Variants in NCKAP5 observed in about 807,000 individuals in gnomAD.
NCKAP5 encodes NCK associated protein 5.
In NCKAP5, 92 loss-of-function variants were observed where a neutral mutation model predicts 167.0. That is an observed-to-expected ratio of 0.55 (90% confidence interval 0.47 to 0.66). The LOEUF is 0.66. NCKAP5 is among the 30% of genes least tolerant of loss of function. The pLI is 0.00. For missense variants in NCKAP5, 2,378 were observed against 2,315.0 expected (o/e 1.03, Z -0.56); for synonymous variants, 891 against 877.4 (o/e 1.02, Z -0.27).
chr2:133,559,304 A>G (rs1200216588), intron 1 of NCKAP5, among the ~76,000 whole-genome samples, 187 bp from the exon 2 acceptor site: 3 of 152,200 alleles, frequency 2.0e-5, no homozygotes, highest in Non-Finnish European at 4.4e-5. Flanking sequence ...GGTCAGACAC[A>G]TCATACACAT....
chr2:132,785,990 G>T (rs984936933), intron 13 of NCKAP5, among the ~76,000 whole-genome samples: 2 of 152,194 alleles, frequency 1.3e-5, no homozygotes, highest in Admixed American at 6.5e-5. Flanking sequence ...GAGGAGAATT[G>T]GCCACAACTA....
intron 6 of NCKAP5, among the ~76,000 whole-genome samples, chr2:133,095,242 T>A (rs80156107): frequency 2.9e-3 from 447 of 152,352 alleles, no homozygotes; most frequent in African/African-American, 0.01. Context: ...GTCTTAGGAA[T>A]CTATGTGAAT....
chr2:133,431,844 T>G (rs1690180699), intron 3 of NCKAP5: 1 of 152,152 alleles, frequency 6.6e-6, no homozygotes, highest in African/African-American at 2.4e-5. Flanking sequence ...ACAATAAGTT[T>G]TACTTGGATT....
At chr2:133,513,664 T>C (rs76064111) in intron 3 of NCKAP5, among the ~76,000 whole-genome samples, 12,860 of 152,240 alleles carry the variant, frequency 0.084, 704 homozygotes, top group East Asian at 0.28. Flanking sequence ...CAGGGATGTG[T>C]GCACGTCCTT....
chr2:133,398,782 C>A (rs1687914751), intron 3 of NCKAP5, among the ~76,000 whole-genome samples: 1 of 152,030 alleles, frequency 6.6e-6, no homozygotes. Flanking sequence ...AAAGCAGAAC[C>A]AAGTGGGAAG....
intron 6 of NCKAP5, among the ~76,000 whole-genome samples, chr2:133,026,669 C>T (rs1040477460): frequency 3.9e-5 from 6 of 152,266 alleles, no homozygotes; most frequent in East Asian, 3.9e-4. Context: ...GGATCAGAGA[C>T]TGAACTGTTT....
chr2:133,196,745 A>C (rs1422143646), intron 5 of NCKAP5, among the ~76,000 whole-genome samples: 2 of 152,186 alleles, frequency 1.3e-5, no homozygotes, highest in Non-Finnish European at 2.9e-5. Context: ...AAGCTCCAGA[A>C]GCAGCATTCT....
At chr2:133,012,270 CAG>C (rs1252408029) in intron 6 of NCKAP5, among the ~76,000 whole-genome samples, 1 of 152,118 alleles carries the variant, frequency 6.6e-6, no homozygotes, top group Admixed American at 6.5e-5. Context: ...TTTGTTGAGA[CAG>C]AGTCTTGCTC....
rs372034571 is a variant in NCKAP5 at position 133,545,677 on chromosome 2, T to C, written c.-62+13373A>G. On this transcript the variant is annotated intron_variant, in intron 2 of 19. Transcript: ENST00000409261. ...CATTGGCACTCACTAACTATGTATC[T>C]ACCTGGCCTAAGAAACAAAATTGAA... Among the ~76,000 whole-genome samples, 3 of 152,264 alleles carry C rather than the reference T, an allele frequency of 2.0e-5. No homozygotes were observed. In the East Asian group the frequency reaches 5.8e-4, roughly 30 times the overall value.
At chr2:133,612,499 G>A in the NCKAP5 span, among the ~76,000 whole-genome samples, 2 of 152,052 alleles carry the variant, frequency 1.3e-5, no homozygotes, top group Non-Finnish European at 2.9e-5. Context: ...CAATCCGTTT[G>A]GTCTCCCAAA....
chr2:133,564,523 A>C, intron 1 of NCKAP5, among the ~76,000 whole-genome samples: 1 of 152,212 alleles, frequency 6.6e-6, no homozygotes, highest in South Asian at 2.1e-4. Context: ...TAGTGGCAGC[A>C]GCGGAAGGTA....
intron 19 of NCKAP5, among the ~76,000 whole-genome samples, chr2:132,691,261 C>G (rs990627497): frequency 6.6e-6 from 1 of 152,154 alleles, no homozygotes; most frequent in African/African-American, 2.4e-5. Context: ...GTTCTTCATA[C>G]AAAAGCCAAG....
At chr2:133,190,306 T>A (rs1229603379) in intron 5 of NCKAP5, among the ~76,000 whole-genome samples, 1 of 152,224 alleles carries the variant, frequency 6.6e-6, no homozygotes. Context: ...CATTCCATGT[T>A]CATGGATAGG....
chr2:132,787,115 C>T (rs1485928025), intron 13 of NCKAP5, among the ~76,000 whole-genome samples: 2 of 151,974 alleles, frequency 1.3e-5, no homozygotes, highest in Non-Finnish European at 2.9e-5. Context: ...TTTGGGAGAC[C>T]AAGGCAGGTG....
chr2:133,080,638 G>A lies in NCKAP5; in HGVS notation c.341+49340C>T, dbSNP rs559106313. Among the ~76,000 whole-genome samples, 8 of 152,202 alleles carry A rather than the reference G, an allele frequency of 5.3e-5. No individual in the cohort carries two copies. The South Asian group carries it at 1.7e-3, about 32-fold the overall frequency. ...AACATTTGTCAACTTCTTTAAAAGA[G>A]CACTTCTTAAAAAATGAAACTAACA... On this transcript the variant is annotated intron_variant, in intron 6 of 19. Coordinates refer to ENST00000409261, the MANE Select transcript of NCKAP5 (RefSeq NM_207363.3).
At chr2:133,025,607 C>G (rs1206666487) in intron 6 of NCKAP5, among the ~76,000 whole-genome samples, 1 of 152,124 alleles carries the variant, frequency 6.6e-6, no homozygotes, top group Non-Finnish European at 1.5e-5. Flanking sequence ...CAACACTCCA[C>G]TAAATGTTAG....
chr2:133,098,334 T>C (rs1335290255), intron 6 of NCKAP5, among the ~76,000 whole-genome samples: 1 of 152,230 alleles, frequency 6.6e-6, no homozygotes, highest in African/African-American at 2.4e-5. Flanking sequence ...GACAGTTAAT[T>C]GTTGCTAAAT....
intron 6 of NCKAP5, among the ~76,000 whole-genome samples, chr2:133,009,622 T>C (rs1471903129): frequency 6.6e-6 from 1 of 152,212 alleles, no homozygotes; most frequent in Non-Finnish European, 1.5e-5. Flanking sequence ...ATCTGTTGAA[T>C]GCCTATGATA....
chr2:133,662,511 A>G, the NCKAP5 span, among the ~76,000 whole-genome samples: 2 of 151,166 alleles, frequency 1.3e-5, no homozygotes, highest in African/African-American at 4.9e-5. Flanking sequence ...ACATATATAC[A>G]TTTAACTTGA....
Sources: gnomAD v4.1 joint callset for allele counts (sites outside exome capture counted in the v4.1 genomes callset) on GRCh38, gnomAD v4.1.1 for gene constraint, MANE v1.5 for transcripts, NCBI Gene and HGNC (gene_info 2026-07-23, HGNC 2026-07-21) for gene names.